The following STS variants were observed in gnomAD, a reference collection of about 807,000 sequenced individuals.
The protein encoded by STS is steryl-sulfatase.
In STS, 7 loss-of-function variants were observed where a neutral mutation model predicts 26.8. The observed-to-expected ratio is 0.26, with a 90% CI of 0.15 to 0.49. The LOEUF is 0.49. Ranked by LOEUF, STS falls within the 20% of genes least tolerant of loss-of-function variation. The pLI, the probability that STS is intolerant of heterozygous loss-of-function variation, is 0.98. For missense variants in STS, 434 were observed against 465.6 expected (o/e 0.93, Z 0.63); for synonymous variants, 199 against 189.4 (o/e 1.05, Z -0.42).
At chrX:7,319,980 A>G (rs1926900215) in intron 8 of STS, among the ~76,000 whole-genome samples, 1 of 90,045 alleles carries the variant, frequency 1.1e-5, no homozygotes, top group Non-Finnish European at 2.1e-5. Context: ...ATATATATGT[A>G]TATATATTTA....
intron 1 of STS, among the ~76,000 whole-genome samples, chrX:7,164,606 C>T (rs371605319): frequency 8.1e-5 from 9 of 110,791 alleles, no homozygotes; most frequent in South Asian, 7.6e-4. Context: ...ACCATTTACA[C>T]GAATCTGGGG....
chrX:7,241,893 G>A (rs772037895), intron 2 of STS, among the ~76,000 whole-genome samples: 7 of 111,840 alleles, frequency 6.3e-5, no homozygotes, highest in Non-Finnish European at 1.1e-4. Flanking sequence ...GTTGCAGGCA[G>A]GACTTAGTTC....
chrX:7,274,476 T>C (rs1398193326), intron 6 of STS, among the ~76,000 whole-genome samples: 1 of 111,531 alleles, frequency 9.0e-6, no homozygotes, highest in Non-Finnish European at 1.9e-5. Context: ...AGACGAGAGG[T>C]AAAGATTGAG....
intron 10 of STS, among the ~76,000 whole-genome samples, chrX:7,348,238 A>C (rs1202130291): frequency 8.9e-6 from 1 of 112,065 alleles, no homozygotes; most frequent in African/African-American, 3.2e-5. Context: ...ACCTTGTCCA[A>C]GGTTAGGGGC....
At chrX:7,264,776 A>G (rs1923918832) in intron 6 of STS, among the ~76,000 whole-genome samples, 1 of 111,882 alleles carries the variant, frequency 8.9e-6, no homozygotes, top group Non-Finnish European at 1.9e-5. Flanking sequence ...ACTGGGTTTC[A>G]TATACATGTA....
At chrX:7,198,174 C>T (rs957162211) in intron 2 of STS, among the ~76,000 whole-genome samples, 24 of 111,140 alleles carry the variant, frequency 2.2e-4, no homozygotes, top group African/African-American at 6.9e-4. Flanking sequence ...AGTTTTATTA[C>T]CCAAATCACG....
At chrX:7,293,151 A>G (rs1464644178) in intron 7 of STS, among the ~76,000 whole-genome samples, 1 of 112,100 alleles carries the variant, frequency 8.9e-6, no homozygotes, top group Non-Finnish European at 1.9e-5. Flanking sequence ...CTCAGTTGCC[A>G]TCTCTACTTC....
intron 10 of STS, among the ~76,000 whole-genome samples, chrX:7,340,874 T>A: frequency 9.0e-6 from 1 of 111,543 alleles, no homozygotes; most frequent in Admixed American, 9.5e-5. Flanking sequence ...ATGGGAAAGA[T>A]GAGAAGAAAA....
intron 2 of STS, among the ~76,000 whole-genome samples, chrX:7,233,146 T>C (rs771574739): frequency 1.1e-5 from 1 of 94,382 alleles, no homozygotes; most frequent in South Asian, 5.5e-4. Flanking sequence ...CAGGCTGGAG[T>C]GTAATGGCGC....
intron 2 of STS, among the ~76,000 whole-genome samples, chrX:7,229,358 T>C (rs1453111598): frequency 9.0e-6 from 1 of 111,725 alleles, no homozygotes; most frequent in African/African-American, 3.3e-5. Context: ...GCTTAGGATC[T>C]GAGCATTGGT....
In STS at chrX:7,177,838, A is replaced by G. The variant is rs781130772; in HGVS notation, c.-133-13042A>G. On this transcript the variant is annotated intron_variant, in intron 1 of 10. Transcript: ENST00000674429. ...AAATATATATATATTTTTAAAGGCA[A>G]GGTCTCACTCTGTTGCCCAGGCTCA... 4.3e-4 allele frequency among the ~76,000 whole-genome samples: 47 copies of G among 109,592 alleles called. 2 individuals are homozygous for G. The East Asian group carries it at 0.012, about 28-fold the overall frequency.
intron 1 of STS, among the ~76,000 whole-genome samples, chrX:7,170,125 A>G (rs192877954): frequency 3.6e-4 from 40 of 111,949 alleles, no homozygotes; most frequent in African/African-American, 1.1e-3. Context: ...TTGTTGTAGA[A>G]TAATACAATC....
At chrX:7,261,124 TTTG>T (rs1923726295) in intron 6 of STS, among the ~76,000 whole-genome samples, 1 of 111,872 alleles carries the variant, frequency 8.9e-6, no homozygotes, top group African/African-American at 3.2e-5. Context: ...ATAAAAGTAT[TTTG>T]TTCCACTTGT....
At chrX:7,213,709 A>G (rs1403893854) in intron 2 of STS, among the ~76,000 whole-genome samples, 1 of 111,808 alleles carries the variant, frequency 8.9e-6, no homozygotes, top group Non-Finnish European at 1.9e-5. Flanking sequence ...TCACCCTCCC[A>G]GGCTGCTCCT....
At chrX:7,154,046 C>T (rs1406335177) in intron 1 of STS, among the ~76,000 whole-genome samples, 3 of 111,040 alleles carry the variant, frequency 2.7e-5, no homozygotes, top group Admixed American at 9.7e-5. Flanking sequence ...AGCTCCCTCT[C>T]TCCAGGACCT....
intron 5 of STS, among the ~76,000 whole-genome samples, chrX:7,258,098 A>G (rs1923523140): frequency 1.3e-5 from 1 of 76,604 alleles, no homozygotes; most frequent in Non-Finnish European, 2.5e-5. Flanking sequence ...AGAAATAGAA[A>G]AACAGACATA....
At chrX:7,304,026 G>A (rs1030045431) in intron 7 of STS, among the ~76,000 whole-genome samples, 2 of 110,728 alleles carry the variant, frequency 1.8e-5, no homozygotes, top group Admixed American at 9.7e-5. Flanking sequence ...TCATCTACGG[G>A]TATTTCAGGA....
chrX:7,233,091 C>CTTTTTTTT (rs3077766), intron 2 of STS, among the ~76,000 whole-genome samples: 302 of 69,739 alleles, frequency 4.3e-3, no homozygotes, highest in African/African-American at 5.0e-3. Context: ...TTCTTTTTTT[C>CTTTTTTTT]TTTTTTTTTT....
intron 2 of STS, among the ~76,000 whole-genome samples, chrX:7,204,029 C>G (rs1485824849): frequency 8.9e-6 from 1 of 111,744 alleles, no homozygotes; most frequent in African/African-American, 3.3e-5. Context: ...AAGTGATCCT[C>G]CCACACTTGG....
Sources: gnomAD v4.1 joint callset for allele counts (sites outside exome capture counted in the v4.1 genomes callset) on GRCh38, gnomAD v4.1.1 for gene constraint, MANE v1.5 for transcripts, NCBI Gene and HGNC (gene_info 2026-07-23, HGNC 2026-07-21) for gene names.